The following FAM76A variants were observed in gnomAD, a reference collection of about 807,000 sequenced individuals.
FAM76A encodes protein FAM76A.
FAM76A carries 32 observed loss-of-function variants against 46.2 expected under a neutral mutation model. The ratio of observed to expected loss-of-function variants is 0.69; its 90% CI spans 0.52 to 0.93. The LOEUF is 0.93. Ranked by LOEUF, FAM76A falls within the 40% of genes least tolerant of loss-of-function variation. FAM76A has a pLI of 0.00. For missense variants in FAM76A, 274 were observed against 361.5 expected (o/e 0.76, Z 1.96); for synonymous variants, 137 against 127.0 (o/e 1.08, Z -0.53).
chr1:27,729,209 T>C (rs1249596914), intron 2 of FAM76A, among the ~76,000 whole-genome samples: 1 of 150,210 alleles, frequency 6.7e-6, no homozygotes, highest in Non-Finnish European at 1.5e-5. Flanking sequence ...TATCATGGAT[T>C]TTTTTTTTTC....
intron 3 of FAM76A, among the ~76,000 whole-genome samples, chr1:27,733,264 T>C (rs2087989752): frequency 6.6e-6 from 1 of 152,180 alleles, no homozygotes; most frequent in South Asian, 2.1e-4. Context: ...CCCCTTTGTT[T>C]GGTAACAGTT....
At chr1:27,733,262 T>A (rs956078582) in intron 3 of FAM76A, among the ~76,000 whole-genome samples, 6 of 152,176 alleles carry the variant, frequency 3.9e-5, no homozygotes, top group Non-Finnish European at 7.3e-5. Context: ...GACCCCTTTG[T>A]TTGGTAACAG....
chr1:27,740,297 C>T, intron 4 of FAM76A: 2 of 825,580 alleles, frequency 2.4e-6, no homozygotes, highest in Non-Finnish European at 4.2e-6. Context: ...TTGGCCTTAC[C>T]ATCAAACCAG....
In FAM76A at chr1:27,761,217, G is replaced by T. The variant is rs563225571; in HGVS notation, c.*636G>T. 1.3e-5 allele frequency: 2 copies of T among 151,244 alleles called. No homozygotes were observed. The highest frequency in any genetic ancestry group is 2.9e-5 in the Non-Finnish European group (2 of 67,838). 9.4% of individuals were successfully genotyped at this position (151,244 alleles called of 1,614,324 possible). A position where few individuals can be genotyped will look rare whatever the true frequency, so the allele number is the denominator to read the frequency against. On this transcript the variant is annotated 3_prime_UTR_variant, in exon 9 of 9. Transcript: ENST00000373954. ...AAAAAGAAACTTTTTCTTGATAAAG[G>T]AATAATGGTGGTCTAGCTAGTTCTT... is the stretch of plus-strand genomic sequence containing the variant.
At chr1:27,729,563 C>T (rs775307042) in intron 2 of FAM76A, among the ~76,000 whole-genome samples, 40 of 152,074 alleles carry the variant, frequency 2.6e-4, no homozygotes, top group Non-Finnish European at 4.9e-4. Flanking sequence ...AGTGAACACC[C>T]ATATGCCCTC....
intron 4 of FAM76A, among the ~76,000 whole-genome samples, chr1:27,735,840 A>G (rs2088034780): frequency 6.6e-6 from 1 of 152,246 alleles, no homozygotes; most frequent in South Asian, 2.1e-4. Context: ...AACCTGGCAC[A>G]TAATATAACT....
chr1:27,746,638 A>G (rs2088245077), intron 5 of FAM76A, among the ~76,000 whole-genome samples: 1 of 152,020 alleles, frequency 6.6e-6, no homozygotes, highest in African/African-American at 2.4e-5. Context: ...GAGGCAGGAG[A>G]ATCGCTTGAA....
chr1:27,760,425 T>G lies in FAM76A; in HGVS notation c.838-70T>G, dbSNP rs533086139. 71 of 1,301,706 alleles carry G rather than the reference T, an allele frequency of 5.5e-5. No homozygotes were observed. In the Middle Eastern group the frequency reaches 9.5e-4, roughly 18 times the overall value. The allele number at this position is 1,301,706 out of a possible 1,614,324, so 80.6% of individuals were successfully genotyped here. ...CATTGTCTGCCTTAGCATCTGCACT[T>G]ACTCTGCATGAAAAATAGCTTATAT... On this transcript the variant is annotated intron_variant, in intron 8 of 8. Transcript: ENST00000373954.
intron 5 of FAM76A, among the ~76,000 whole-genome samples, chr1:27,748,133 T>TG (rs2088272384): frequency 6.9e-6 from 1 of 143,982 alleles, no homozygotes; most frequent in Non-Finnish European, 1.5e-5. Flanking sequence ...TTTTTTTTTT[T>TG]TTTTTTTTTT....
chr1:27,750,473 C>T (rs1273096410), intron 6 of FAM76A, among the ~76,000 whole-genome samples: 1 of 152,230 alleles, frequency 6.6e-6, no homozygotes, highest in Non-Finnish European at 1.5e-5. Context: ...TCCATCACCT[C>T]TGCCAGGGCA....
intron 4 of FAM76A, chr1:27,740,350 A>T: frequency 9.5e-7 from 1 of 1,048,774 alleles, no homozygotes; most frequent in South Asian, 1.3e-5. Context: ...AATCAAATAG[A>T]TACGGCCTTG....
intron 4 of FAM76A, among the ~76,000 whole-genome samples, chr1:27,743,298 G>A (rs2088185760): frequency 6.6e-6 from 1 of 152,026 alleles, no homozygotes; most frequent in Non-Finnish European, 1.5e-5. Context: ...CTACAGGCAT[G>A]CACCACCACA....
chr1:27,727,507 C>G lies in FAM76A; in HGVS notation c.117C>G (p.Thr39=). 6.2e-7 allele frequency: 1 copy of G among 1,613,848 alleles called. No individual in the cohort carries two copies. The highest frequency in any genetic ancestry group is 8.5e-7 in the Non-Finnish European group (1 of 1,179,786). The change falls in exon 2 of 9, where the codon ACC becomes ACG. Residue 39 remains threonine, a synonymous_variant. Coordinates refer to ENST00000373954, the MANE Select transcript of FAM76A (RefSeq NM_152660.3). ...TTGCACACCCTGTTGTGAAGTGCAC[C>G]TACTGCAGGACTGAGTACCAGCAGG... ...CRIAHPVVKC[T]YCRTEYQQES...
chr1:27,758,688 T>G (rs556906310), intron 7 of FAM76A, among the ~76,000 whole-genome samples: 10 of 149,718 alleles, frequency 6.7e-5, no homozygotes, highest in Admixed American at 4.0e-4. Context: ...CGTTTTTTTT[T>G]TTTTTTTTTT....
intron 6 of FAM76A, among the ~76,000 whole-genome samples, chr1:27,751,907 G>T (rs11247675): frequency 6.6e-6 from 1 of 151,764 alleles, no homozygotes; most frequent in African/African-American, 2.4e-5. Flanking sequence ...GGACTCAAAC[G>T]ATCCTCCCAC....
chr1:27,739,101 T>G, intron 4 of FAM76A: 1 of 325,334 alleles, frequency 3.1e-6, no homozygotes, highest in South Asian at 2.6e-5. Flanking sequence ...TACAAGGAGG[T>G]GTGTGTGAAG....
chr1:27,740,308 G>A (rs946983059), intron 4 of FAM76A: 4 of 856,656 alleles, frequency 4.7e-6, no homozygotes, highest in African/African-American at 3.4e-5. Flanking sequence ...ATCAAACCAG[G>A]AACTACAGTT....
chr1:27,746,607 A>G (rs1369217267), intron 5 of FAM76A, among the ~76,000 whole-genome samples: 2 of 152,088 alleles, frequency 1.3e-5, no homozygotes, highest in South Asian at 2.1e-4. Context: ...CATGCCTGTA[A>G]TCCCAGCTAC....
chr1:27,748,242 C>T (rs1470653689), intron 5 of FAM76A, among the ~76,000 whole-genome samples: 2 of 148,814 alleles, frequency 1.3e-5, no homozygotes, highest in African/African-American at 5.0e-5. Context: ...TCTCCTGCCT[C>T]AGCCTCCCAA....
Sources: allele counts gnomAD v4.1 joint callset (sites outside exome capture counted in the v4.1 genomes callset), GRCh38; gene constraint gnomAD v4.1.1; transcripts MANE v1.5; gene names NCBI Gene and HGNC (gene_info 2026-07-23, HGNC 2026-07-21).